The following FSTL5 variants were observed in gnomAD, a reference collection of about 807,000 sequenced individuals.
FSTL5 encodes follistatin-related protein 5.
In FSTL5, 62 loss-of-function variants were observed where a neutral mutation model predicts 89.1. That is an observed-to-expected ratio of 0.70 (90% CI 0.57 to 0.86). FSTL5 has a LOEUF of 0.86. Among genes scored for constraint, FSTL5 ranks in the 40% least tolerant of loss-of-function variants. The pLI, the probability that FSTL5 is intolerant of heterozygous loss-of-function variation, is 0.00. For synonymous variants in FSTL5, 383 were observed against 346.2 expected (o/e 1.11, Z -1.18); for missense variants, 1,057 against 1,001.6 (o/e 1.06, Z -0.75).
intron 1 of FSTL5, among the ~76,000 whole-genome samples, chr4:162,151,911 A>G (rs1286112860): frequency 6.6e-6 from 1 of 152,182 alleles, no homozygotes; most frequent in African/African-American, 2.4e-5. Flanking sequence ...GAATATTCTT[A>G]ATGCCTTCTT....
intron 4 of FSTL5, among the ~76,000 whole-genome samples, chr4:161,815,881 T>C (rs1313473298): frequency 1.3e-5 from 2 of 152,198 alleles, no homozygotes; most frequent in African/African-American, 2.4e-5. Flanking sequence ...TTAAATGTAT[T>C]AATTTGAATA....
chr4:161,898,383 A>G lies in FSTL5; in HGVS notation c.409+22021T>C, dbSNP rs186491453. Among the ~76,000 whole-genome samples the G allele has an allele frequency of 2.1e-3, 316 of 151,706 alleles. 1 individual carries two copies. Among genetic ancestry groups the G allele is most frequent in the African/African-American group, 7.2e-3 (299 of 41,488 alleles). On this transcript the variant is annotated intron_variant, in intron 4 of 15. Transcript: ENST00000306100. ...AGTGCAGGTTTTTTTCTTTGTGCAC[A>G]TAAATTTTCAACTCAGTTGTGTGAA...
chr4:161,615,935 A>G (rs1009238122), intron 7 of FSTL5, among the ~76,000 whole-genome samples: 1 of 152,096 alleles, frequency 6.6e-6, no homozygotes, highest in Non-Finnish European at 1.5e-5. Flanking sequence ...TCTTCTGCCA[A>G]AAGTTATTTT....
At chr4:161,457,993 G>T (rs190792630) in intron 14 of FSTL5, among the ~76,000 whole-genome samples, 1 of 152,304 alleles carries the variant, frequency 6.6e-6, no homozygotes, top group Admixed American at 6.5e-5. Flanking sequence ...CCATACCTCA[G>T]CTGGTCTTGT....
chr4:161,936,032 C>G (rs1392610062), intron 3 of FSTL5, among the ~76,000 whole-genome samples: 4 of 151,946 alleles, frequency 2.6e-5, no homozygotes, highest in Non-Finnish European at 4.4e-5. Context: ...AAAATACAAA[C>G]ATTAGCTGGG....
At chr4:161,630,961 G>C in intron 7 of FSTL5, among the ~76,000 whole-genome samples, 1 of 152,156 alleles carries the variant, frequency 6.6e-6, no homozygotes, top group South Asian at 2.1e-4. Context: ...GCTCTTCTGC[G>C]TTTTTCCAAT....
intron 7 of FSTL5, among the ~76,000 whole-genome samples, chr4:161,630,960 C>A (rs754071677): frequency 3.3e-5 from 5 of 152,138 alleles, no homozygotes; most frequent in African/African-American, 1.2e-4. Context: ...TGCTCTTCTG[C>A]GTTTTTCCAA....
chr4:161,805,458 C>T (rs187199037), intron 4 of FSTL5, among the ~76,000 whole-genome samples: 4 of 152,136 alleles, frequency 2.6e-5, no homozygotes, highest in East Asian at 1.9e-4. Flanking sequence ...TTAAAAGAGA[C>T]GCATCTTAGA....
intron 2 of FSTL5, among the ~76,000 whole-genome samples, chr4:162,076,899 T>G (rs1729872990): frequency 6.6e-6 from 1 of 151,788 alleles, no homozygotes; most frequent in African/African-American, 2.4e-5. Context: ...ATAACTTTGG[T>G]ATTTCTCTTA....
intron 6 of FSTL5, among the ~76,000 whole-genome samples, chr4:161,708,969 T>C (rs1209853716): frequency 1.3e-5 from 2 of 152,184 alleles, no homozygotes; most frequent in Admixed American, 6.5e-5. Context: ...TTTTATATCA[T>C]AACTGTTGTA....
rs77641987 is a variant in FSTL5 at position 161,632,652 on chromosome 4, T to A, written c.894+23676A>T. ...AAAACACATTCTCTAAAACTAATAG[T>A]CTGAGTTAAAAGAAAGAGTTTTTTA... On this transcript the variant is annotated intron_variant, in intron 7 of 15. Transcript: ENST00000306100. 5.9e-3 allele frequency among the ~76,000 whole-genome samples: 904 copies of A among 152,276 alleles called. 15 individuals are homozygous for A. The highest frequency in any genetic ancestry group is 0.046 in the South Asian group (222 of 4,830).
intron 4 of FSTL5, among the ~76,000 whole-genome samples, chr4:161,860,035 T>A (rs1425436174): frequency 1.3e-5 from 2 of 152,174 alleles, no homozygotes; most frequent in Non-Finnish European, 2.9e-5. Flanking sequence ...ACCCCTGTAA[T>A]CACAGCACTT....
intron 6 of FSTL5, among the ~76,000 whole-genome samples, chr4:161,676,867 A>G (rs1737324619): frequency 6.6e-6 from 1 of 151,992 alleles, no homozygotes; most frequent in Admixed American, 6.6e-5. Flanking sequence ...CAATAACCAT[A>G]CATCAATTCA....
intron 8 of FSTL5, among the ~76,000 whole-genome samples, chr4:161,587,160 C>T (rs1427074635): frequency 6.6e-6 from 1 of 151,850 alleles, no homozygotes; most frequent in African/African-American, 2.4e-5. Flanking sequence ...TTTATGCTTG[C>T]CTAATTGTTA....
chr4:161,616,148 G>A (rs939220577), intron 7 of FSTL5, among the ~76,000 whole-genome samples: 4 of 151,106 alleles, frequency 2.6e-5, no homozygotes, highest in South Asian at 2.1e-4. Context: ...GTGCAATGGC[G>A]CAATCTCGAC....
intron 4 of FSTL5, among the ~76,000 whole-genome samples, chr4:161,854,408 T>C (rs1731655905): frequency 6.6e-6 from 1 of 152,206 alleles, no homozygotes; most frequent in Admixed American, 6.5e-5. Flanking sequence ...TGTGAACTAC[T>C]GTGAAGTCCC....
chr4:161,390,169 A>G (rs1334381341), intron 15 of FSTL5, among the ~76,000 whole-genome samples: 1 of 152,154 alleles, frequency 6.6e-6, no homozygotes, highest in Non-Finnish European at 1.5e-5. Context: ...GTACTTACTG[A>G]GAACATGGAG....
rs192893668 is a variant in FSTL5, at chr4:161,667,894, G to A, written c.728-11400C>T. ...AGGGAGAAAACAATCATTTTAAAAAGATTCAGGCATTGAATACATATATTA... is the reference window on the plus strand; with the variant it reads ...AGGGAGAAAACAATCATTTTAAAAAAATTCAGGCATTGAATACATATATTA... On this transcript the variant is annotated intron_variant, in intron 6 of 15. Coordinates refer to ENST00000306100, the MANE Select transcript of FSTL5 (RefSeq NM_020116.5). Among the ~76,000 whole-genome samples, 470 of 152,056 alleles carry A rather than the reference G, an allele frequency of 3.1e-3. 1 individual carries two copies. The highest frequency in any genetic ancestry group is 0.011 in the African/African-American group (457 of 41,516).
intron 3 of FSTL5, among the ~76,000 whole-genome samples, chr4:162,027,474 A>T (rs989161518): frequency 2.0e-5 from 3 of 152,064 alleles, no homozygotes; most frequent in Non-Finnish European, 4.4e-5. Flanking sequence ...TTATTATCTT[A>T]TATATATAAT....
Sources: allele counts gnomAD v4.1 joint callset (sites outside exome capture counted in the v4.1 genomes callset), GRCh38; gene constraint gnomAD v4.1.1; transcripts MANE v1.5; gene names NCBI Gene and HGNC (gene_info 2026-07-23, HGNC 2026-07-21).